The following PRUNE2 variants were observed in gnomAD, a reference collection of about 807,000 sequenced individuals.
The protein encoded by PRUNE2 is prune homolog 2 with BCH domain.
A neutral mutation model predicts 252.0 loss-of-function variants in PRUNE2; 164 were observed. That is an observed-to-expected ratio of 0.65 (90% confidence interval 0.57 to 0.74). PRUNE2 has a LOEUF of 0.74. Ranked by LOEUF, PRUNE2 falls within the 30% of genes least tolerant of loss-of-function variation. The pLI is 0.00. For missense variants in PRUNE2, 3,495 were observed against 3,711.0 expected (o/e 0.94, Z 1.51); for synonymous variants, 1,292 against 1,350.2 (o/e 0.96, Z 0.94).
At chr9:76,878,877 T>C (rs2061603974) in intron 1 of PRUNE2, among the ~76,000 whole-genome samples, 1 of 152,240 alleles carries the variant, frequency 6.6e-6, no homozygotes, top group Non-Finnish European at 1.5e-5. Flanking sequence ...ATCACCAAAC[T>C]GTTTTACCAG....
chr9:76,903,554 T>C (rs1589858438), intron 1 of PRUNE2, among the ~76,000 whole-genome samples: 1 of 152,150 alleles, frequency 6.6e-6, no homozygotes, highest in Non-Finnish European at 1.5e-5. Flanking sequence ...TTCCAAAGGA[T>C]TGGCTGAATT....
rs906010195 is a variant in PRUNE2 at position 76,629,524 on chromosome 9, T to A, written c.9051-234A>T. On this transcript the variant is annotated intron_variant, in intron 15 of 18. Coordinates refer to ENST00000376718, the MANE Select transcript of PRUNE2 (RefSeq NM_015225.3). ...TTTTAAATTGCCATGTAAAAAAGTATAACATGATGTTCTGAAATATGTATA... is the reference window on the plus strand; with the variant it reads ...TTTTAAATTGCCATGTAAAAAAGTAAAACATGATGTTCTGAAATATGTATA... Among the ~76,000 whole-genome samples the A allele has an allele frequency of 3.9e-4, 60 of 152,228 alleles. 1 individual carries two copies. Among genetic ancestry groups the A allele is most frequent in the Non-Finnish European group, 6.2e-4 (42 of 68,048 alleles).
chr9:76,759,143 T>TG (rs2051443689), intron 6 of PRUNE2: 1 of 152,246 alleles, frequency 6.6e-6, no homozygotes, highest in Non-Finnish European at 1.5e-5. Flanking sequence ...AAGCCTTGCC[T>TG]GCTCACCTCC....
chr9:76,766,463 AAC>A (rs2052403006), intron 6 of PRUNE2, among the ~76,000 whole-genome samples: 1 of 152,168 alleles, frequency 6.6e-6, no homozygotes, highest in Admixed American at 6.5e-5. Context: ...TTTAAAATAA[AAC>A]ACATATTAGA....
At chr9:76,665,427 C>T (rs1204083239) in intron 9 of PRUNE2, among the ~76,000 whole-genome samples, 1 of 152,098 alleles carries the variant, frequency 6.6e-6, no homozygotes, top group Non-Finnish European at 1.5e-5. Context: ...GGACCTGGGA[C>T]CTCACCTCCT....
intron 6 of PRUNE2, among the ~76,000 whole-genome samples, chr9:76,822,308 C>T (rs2058078963): frequency 6.6e-6 from 1 of 152,138 alleles, no homozygotes; most frequent in African/African-American, 2.4e-5. Context: ...TGAGGTGCCA[C>T]CAAACATCAC....
chr9:76,877,191 C>T (rs2061521563), intron 1 of PRUNE2, among the ~76,000 whole-genome samples: 1 of 150,988 alleles, frequency 6.6e-6, no homozygotes, highest in Admixed American at 6.6e-5. Flanking sequence ...AAAAGAGGAC[C>T]TATACATTTT....
chr9:76,848,257 C>A (rs1259749171), intron 3 of PRUNE2, among the ~76,000 whole-genome samples: 1 of 152,018 alleles, frequency 6.6e-6, no homozygotes, highest in East Asian at 1.9e-4. Context: ...GAGCAAGAAT[C>A]CATCTCAAAA....
intron 9 of PRUNE2, among the ~76,000 whole-genome samples, chr9:76,690,489 G>C (rs376981539): frequency 6.6e-6 from 1 of 152,188 alleles, no homozygotes; most frequent in African/African-American, 2.4e-5. Context: ...CCTCTAGCTA[G>C]AAAGGGTGAA....
chr9:76,793,549 C>T (rs1338810901), intron 6 of PRUNE2, among the ~76,000 whole-genome samples: 1 of 152,158 alleles, frequency 6.6e-6, no homozygotes, highest in Non-Finnish European at 1.5e-5. Flanking sequence ...AGAAGGGTGA[C>T]TCTCTTACCT....
chr9:76,765,914 G>T (rs1564249204), intron 6 of PRUNE2, among the ~76,000 whole-genome samples: 1 of 152,226 alleles, frequency 6.6e-6, no homozygotes, highest in East Asian at 1.9e-4. Flanking sequence ...CAGACGCGGT[G>T]GCTCACGCCT....
intron 6 of PRUNE2, among the ~76,000 whole-genome samples, chr9:76,745,679 A>G (rs998618784): frequency 1.3e-5 from 2 of 152,182 alleles, no homozygotes; most frequent in Non-Finnish European, 2.9e-5. Context: ...GAGTAACAGT[A>G]AAACTCTGAT....
intron 1 of PRUNE2, chr9:76,857,182 C>CAGTT (rs1589616891): frequency 2.2e-6 from 1 of 455,156 alleles, no homozygotes; most frequent in East Asian, 7.0e-5. Context: ...AGCGCATATA[C>CAGTT]AGTTTCCAGG....
chr9:76,816,022 C>T (rs1370334445), intron 6 of PRUNE2, among the ~76,000 whole-genome samples: 2 of 151,792 alleles, frequency 1.3e-5, no homozygotes, highest in Non-Finnish European at 2.9e-5. Context: ...ATTAGCTGGT[C>T]GTGGTGGCGG....
intron 6 of PRUNE2, among the ~76,000 whole-genome samples, chr9:76,769,598 T>C (rs2052862799): frequency 6.6e-6 from 1 of 152,198 alleles, no homozygotes; most frequent in Non-Finnish European, 1.5e-5. Flanking sequence ...GCTAATTTTC[T>C]ATTTTTAGTA....
chr9:76,850,312 G>C, intron 3 of PRUNE2, 151 bp downstream of exon 3: 1 of 648,832 alleles, frequency 1.5e-6, no homozygotes, highest in Non-Finnish European at 2.7e-6. Flanking sequence ...CTCCCAAAGT[G>C]CTGGGATTAT....
In PRUNE2 at chr9:76,710,593, C is replaced by T; in HGVS notation, c.1681G>A (p.Asp561Asn). 1 of 1,613,742 alleles carries T rather than the reference C, an allele frequency of 6.2e-7. No homozygotes were observed. ...TCCTCATCATGTTCCACAAGGCTAT[C>T]TTTGCCAGCCCCTGACAAAAGTGAA... ...SSSLLSGAGK[D>N]SLVEHDEEFV... The change falls in exon 8 of 19, where the codon GAT becomes AAT. Residue 561 changes from aspartate (D) to asparagine (N), a missense_variant. By Grantham distance (23) the Asp-to-Asn change is conservative (BLOSUM62 1). Coordinates refer to ENST00000376718, the MANE Select transcript of PRUNE2 (RefSeq NM_015225.3).
In PRUNE2 at chr9:76,624,492, T is replaced by G; in HGVS notation, c.9150-2A>C. The stretch of plus-strand genomic sequence containing the variant: ...GCTTCCCTCAGTTCTTCATCCAGTC[T>G]GCAGGAGCAAAAATTATTGGTGTGG... On this transcript the variant is annotated splice_acceptor_variant, in intron 16 of 18. Transcript: ENST00000376718. LOFTEE classifies it high-confidence loss of function. The G allele has an allele frequency of 7.0e-7, 1 of 1,422,948 alleles. No homozygotes were observed. The highest frequency in any genetic ancestry group is 9.2e-7 in the Non-Finnish European group (1 of 1,084,022). 88.1% of individuals were successfully genotyped at this position (1,422,948 alleles called of 1,614,324 possible). A position where few individuals can be genotyped will look rare whatever the true frequency, so the allele number is the denominator to read the frequency against.
intron 6 of PRUNE2, among the ~76,000 whole-genome samples, chr9:76,747,755 C>G (rs180787810): frequency 2.6e-5 from 4 of 152,058 alleles, no homozygotes; most frequent in Admixed American, 2.6e-4. Flanking sequence ...GAGTACAACT[C>G]TGTCTTCCTT....
Sources: gnomAD v4.1 joint callset for allele counts (sites outside exome capture counted in the v4.1 genomes callset) on GRCh38, gnomAD v4.1.1 for gene constraint, MANE v1.5 for transcripts, NCBI Gene and HGNC (gene_info 2026-07-23, HGNC 2026-07-21) for gene names.